EPHB1: variants seen among roughly 807,000 people sequenced by gnomAD.
The protein encoded by EPHB1 is EPH receptor B1, also known as ephrin type-B receptor 1.
In EPHB1, 30 loss-of-function variants were observed where a neutral mutation model predicts 94.4. The observed-to-expected ratio is 0.32, with a 90% CI of 0.24 to 0.43. The LOEUF (loss-of-function observed/expected upper bound fraction) is 0.43, where lower values mean the gene tolerates loss of function less well. Ranked by LOEUF, EPHB1 falls within the 20% of genes least tolerant of loss-of-function variation. The pLI, the probability that EPHB1 is intolerant of heterozygous loss-of-function variation, is 1.00. For synonymous variants in EPHB1, 522 were observed against 489.1 expected (o/e 1.07, Z -0.89); for missense variants, 1,055 against 1,308.3 (o/e 0.81, Z 2.99).
rs764139128 is a variant in EPHB1, at chr3:134,951,392, G to A, written c.145G>A (p.Asp49Asn). 3.8e-6 allele frequency: 6 copies of A among 1,570,782 alleles called. No homozygotes were observed. Among genetic ancestry groups the A allele is most frequent in the Admixed American group, 1.8e-5 (1 of 56,108 alleles). Reference protein sequence around the residue: ...ASGWEEVSGYDENLNTIRTYQ... With the variant: ...ASGWEEVSGYNENLNTIRTYQ... ...ACAGTGGGAAGAAGTCAGTGGCTAC[G>A]ATGAAAACCTGAACACCATCCGCAC... Residue 49 changes from aspartate (D) to asparagine (N), a missense_variant, in exon 3 of 16, where the codon GAT becomes AAT. Coordinates refer to ENST00000398015, the MANE Select transcript of EPHB1 (RefSeq NM_004441.5). The surrounding 1 kb of genome is among the most constrained non-coding windows in gnomAD (Gnocchi z 4.5).
intron 1 of EPHB1, among the ~76,000 whole-genome samples, chr3:134,851,433 C>T (rs867514667): frequency 2.6e-5 from 4 of 152,080 alleles, no homozygotes; most frequent in Middle Eastern, 3.2e-3. Flanking sequence ...CATTTGCTCC[C>T]CTGGGTTTTC....
intron 6 of EPHB1, among the ~76,000 whole-genome samples, chr3:135,155,772 A>G (rs1402755826): frequency 7.7e-6 from 1 of 129,934 alleles, no homozygotes; most frequent in Non-Finnish European, 1.6e-5. Flanking sequence ...TGTGGGTGAC[A>G]GAGCAAGACT....
At chr3:135,125,587 G>A (rs939420683) in intron 4 of EPHB1, among the ~76,000 whole-genome samples, 1 of 152,190 alleles carries the variant, frequency 6.6e-6, no homozygotes, top group East Asian at 1.9e-4. Context: ...TACTTAGAAA[G>A]AATAAAGGTT....
intron 1 of EPHB1, among the ~76,000 whole-genome samples, chr3:134,899,124 G>A (rs527651798): frequency 3.7e-4 from 57 of 152,272 alleles, no homozygotes; most frequent in African/African-American, 1.3e-3. Flanking sequence ...GAGGAGACAT[G>A]GATTCATGGG....
At chr3:134,821,192 T>A (rs2036373612) in intron 1 of EPHB1, among the ~76,000 whole-genome samples, 1 of 152,224 alleles carries the variant, frequency 6.6e-6, no homozygotes, top group Non-Finnish European at 1.5e-5. Flanking sequence ...TATTCAAGCC[T>A]TCAACTGATT....
intron 1 of EPHB1, among the ~76,000 whole-genome samples, chr3:134,873,549 C>T (rs984527042): frequency 6.6e-6 from 1 of 152,168 alleles, no homozygotes. Context: ...ACTTGTTACA[C>T]GCTGTTGTTA....
At chr3:135,250,856 G>A (rs1933052261) in intron 15 of EPHB1, among the ~76,000 whole-genome samples, 1 of 152,112 alleles carries the variant, frequency 6.6e-6, no homozygotes, top group South Asian at 2.1e-4. Flanking sequence ...AACACGTATT[G>A]ATCACCTGTT....
At chr3:134,855,224 G>T (rs1223389642) in intron 1 of EPHB1, among the ~76,000 whole-genome samples, 1 of 152,192 alleles carries the variant, frequency 6.6e-6, no homozygotes, top group African/African-American at 2.4e-5. Context: ...AATATAAAAT[G>T]TAAGATTTAA....
chr3:135,177,885 C>G (rs1942029412), intron 9 of EPHB1, among the ~76,000 whole-genome samples: 1 of 152,174 alleles, frequency 6.6e-6, no homozygotes, highest in Non-Finnish European at 1.5e-5. Context: ...CCATTTTTCT[C>G]TTTGTCCACT....
intron 12 of EPHB1, among the ~76,000 whole-genome samples, chr3:135,228,340 T>G (rs2107722991): frequency 6.6e-6 from 1 of 152,328 alleles, no homozygotes; most frequent in African/African-American, 2.4e-5. Context: ...GTTGCCTAAG[T>G]GACAGTGTGC....
At chr3:135,154,083 T>C in intron 5 of EPHB1, 69 bp from the exon 6 acceptor site, 1 of 1,599,178 alleles carries the variant, frequency 6.3e-7, no homozygotes, top group South Asian at 1.1e-5. Context: ...CCTACGTACC[T>C]CTGGAAGATG....
chr3:135,237,354 G>C (rs1943681327), intron 12 of EPHB1, among the ~76,000 whole-genome samples: 1 of 151,800 alleles, frequency 6.6e-6, no homozygotes. Context: ...TCTGAGTTAA[G>C]ACATAATTTT....
At chr3:134,849,189 G>A (rs541205739) in intron 1 of EPHB1, among the ~76,000 whole-genome samples, 14 of 152,326 alleles carry the variant, frequency 9.2e-5, no homozygotes, top group South Asian at 8.3e-4. Flanking sequence ...TCAGAATCAC[G>A]TAGAGGGCTT....
At chr3:135,102,445 T>C (rs1939066433) in intron 3 of EPHB1, among the ~76,000 whole-genome samples, 1 of 152,254 alleles carries the variant, frequency 6.6e-6, no homozygotes, top group Admixed American at 6.5e-5. Flanking sequence ...TTTTCTTATT[T>C]ATTTTTCTAT....
At chr3:135,062,482 T>A (rs1290498964) in intron 3 of EPHB1, among the ~76,000 whole-genome samples, 2 of 152,176 alleles carry the variant, frequency 1.3e-5, no homozygotes, top group Non-Finnish European at 2.9e-5. Context: ...TGGCCATTTG[T>A]ATATTTCTTT....
chr3:134,921,098 A>C (rs1287551028), intron 1 of EPHB1, among the ~76,000 whole-genome samples: 1 of 152,048 alleles, frequency 6.6e-6, no homozygotes, highest in African/African-American at 2.4e-5. Flanking sequence ...CCTGCAAGTC[A>C]AGCCAGCCCT....
At chr3:135,056,071 A>C (rs935414997) in intron 3 of EPHB1, among the ~76,000 whole-genome samples, 1 of 152,214 alleles carries the variant, frequency 6.6e-6, no homozygotes, top group African/African-American at 2.4e-5. Flanking sequence ...CTCACAGGAG[A>C]AGAAAGACTG....
intron 3 of EPHB1, among the ~76,000 whole-genome samples, chr3:135,082,829 G>C (rs1234195909): frequency 6.6e-6 from 1 of 152,216 alleles, no homozygotes; most frequent in Non-Finnish European, 1.5e-5. Flanking sequence ...GTATTGTCTA[G>C]GTACTGGCAG....
intron 3 of EPHB1, among the ~76,000 whole-genome samples, chr3:135,002,245 G>T (rs1935211103): frequency 1.3e-5 from 2 of 152,140 alleles, no homozygotes; most frequent in South Asian, 4.1e-4. Flanking sequence ...TGAATTATGG[G>T]GGCATTTATT....
Sources: gnomAD v4.1 joint callset for allele counts (sites outside exome capture counted in the v4.1 genomes callset) on GRCh38, gnomAD v4.1.1 for gene constraint, Gnocchi (gnomAD v3.1) non-coding constraint, MANE v1.5 for transcripts, NCBI Gene and HGNC (gene_info 2026-07-23, HGNC 2026-07-21) for gene names.